Variants in PAK3 observed in about 807,000 individuals in gnomAD.
The protein encoded by PAK3 is p21 (RAC1) activated kinase 3.
A neutral mutation model predicts 41.0 loss-of-function variants in PAK3; 4 were observed. That is an observed-to-expected ratio of 0.10 (90% CI 0.05 to 0.22). PAK3 has a LOEUF of 0.22. Ranked by LOEUF, PAK3 falls within the 10% of genes least tolerant of loss-of-function variation. The pLI is 1.00. For missense variants in PAK3, 205 were observed against 409.9 expected, an observed-to-expected ratio of 0.50 and a Z score of 4.32; for synonymous variants, 146 against 139.6, an observed-to-expected ratio of 1.05 and a Z score of -0.32.
At chrX:111,218,226 A>C (rs1483669873) in intron 17 of PAK3, among the ~76,000 whole-genome samples, 4 of 112,113 alleles carry the variant, frequency 3.6e-5, no homozygotes. Flanking sequence ...GTATGACCTA[A>C]GACAGTTCTG....
chrX:111,070,350 G>A (rs184667107), intron 1 of PAK3, among the ~76,000 whole-genome samples: 1 of 111,341 alleles, frequency 9.0e-6, no homozygotes, highest in East Asian at 2.8e-4. Context: ...CTTCCAGTGA[G>A]GTTACTTGTA....
At chrX:110,983,476 A>AAGAGAGAGAGAG (rs1404473676) in intron 1 of PAK3, among the ~76,000 whole-genome samples, 4 of 5,562 alleles carry the variant, frequency 7.2e-4, no homozygotes, top group Non-Finnish European at 4.0e-3. Flanking sequence ...TGGTAAGAGA[A>AAGAGAGAGAGAG]AGACAGAGAG....
intron 1 of PAK3, among the ~76,000 whole-genome samples, chrX:110,954,574 T>C (rs1271118464): frequency 9.0e-6 from 1 of 111,661 alleles, no homozygotes; most frequent in Non-Finnish European, 1.9e-5. Flanking sequence ...AAGGGGAATG[T>C]ATGAAGCAAC....
rs753857084 is a variant in PAK3 at position 110,957,211 on chromosome X, C to T, written c.-28+12583C>T. On this transcript the variant is annotated intron_variant, in intron 1 of 14. Transcript: ENST00000425146. ...TTGTGTACTTATTATGTCCTAGTTG[C>T]TGTGCTAGCATTTGCATGTATTATC... Among the ~76,000 whole-genome samples the T allele has an allele frequency of 3.6e-3, 404 of 112,273 alleles. 1 individual carries two copies. The highest frequency in any genetic ancestry group is 0.012 in the African/African-American group (381 of 30,910).
At chrX:111,199,348 C>T (rs2094652243) in intron 16 of PAK3, among the ~76,000 whole-genome samples, 1 of 111,309 alleles carries the variant, frequency 9.0e-6, no homozygotes, top group African/African-American at 3.3e-5. Context: ...CTGGCTAGAA[C>T]TTCTAACATT....
At chrX:111,033,524 G>A (rs926769641) in intron 1 of PAK3, among the ~76,000 whole-genome samples, 4 of 111,832 alleles carry the variant, frequency 3.6e-5, no homozygotes, top group Non-Finnish European at 7.5e-5. Context: ...AGACATCTGA[G>A]CTGGCAAAGG....
In PAK3 at chrX:111,205,256, C is replaced by T. The variant is rs150438988; in HGVS notation, c.1407+8616C>T. Among the ~76,000 whole-genome samples the T allele has an allele frequency of 9.9e-3, 1,102 of 110,800 alleles. 9 individuals are homozygous for T. The highest frequency in any genetic ancestry group is 0.017 in the Non-Finnish European group (880 of 52,936). ...CAAGAGGGAGGTAACCAGGATAGGG[C>T]TCTTGGTTCCACCAGAATAGTTCCT... is the stretch of plus-strand genomic sequence containing the variant. On this transcript the variant is annotated intron_variant, in intron 16 of 17. Transcript: ENST00000372007.
chrX:111,026,282 A>G (rs1294880626), intron 1 of PAK3, among the ~76,000 whole-genome samples: 1 of 111,644 alleles, frequency 9.0e-6, no homozygotes, highest in Non-Finnish European at 1.9e-5. Context: ...TCTATTCAAC[A>G]TAGTACTGGA....
chrX:110,948,994 A>G (rs1226466890), intron 1 of PAK3, among the ~76,000 whole-genome samples: 2 of 112,227 alleles, frequency 1.8e-5, no homozygotes, highest in Non-Finnish European at 3.8e-5. Context: ...TGTTTGGATG[A>G]TGAAAATGAG....
intron 4 of PAK3, among the ~76,000 whole-genome samples, chrX:111,119,396 C>G (rs1317858082): frequency 8.9e-6 from 1 of 111,923 alleles, no homozygotes; most frequent in Admixed American, 9.5e-5. Flanking sequence ...AAGGGCCAGT[C>G]TCTAAAAGAA....
At chrX:111,016,396 A>G (rs1268627269) in intron 1 of PAK3, among the ~76,000 whole-genome samples, 1 of 111,471 alleles carries the variant, frequency 9.0e-6, no homozygotes, top group Admixed American at 9.6e-5. Context: ...TTTGTGCACT[A>G]GCTGTCTGAG....
chrX:111,172,906 C>A (rs1290373881), intron 10 of PAK3, 112 bp from the exon 11 acceptor site: 13 of 529,311 alleles, frequency 2.5e-5, no homozygotes, highest in African/African-American at 4.6e-5. Flanking sequence ...CTGACTCTGG[C>A]ATCTTAATTT....
intron 4 of PAK3, among the ~76,000 whole-genome samples, chrX:111,119,747 T>C (rs1317711086): frequency 8.9e-6 from 1 of 112,297 alleles, no homozygotes; most frequent in African/African-American, 3.2e-5. Flanking sequence ...AATATGTTTG[T>C]GGAATAGTAG....
At chrX:111,147,481 G>C (rs1307217864) in intron 6 of PAK3, among the ~76,000 whole-genome samples, 2 of 109,101 alleles carry the variant, frequency 1.8e-5, no homozygotes, top group East Asian at 2.9e-4. Flanking sequence ...ATTTTCATGC[G>C]CTTTTTTTTT....
intron 1 of PAK3, among the ~76,000 whole-genome samples, chrX:111,044,159 A>T (rs1309547233): frequency 8.9e-6 from 1 of 112,159 alleles, no homozygotes; most frequent in African/African-American, 3.2e-5. Flanking sequence ...GGAGGCTAAA[A>T]CTATACATAT....
At chrX:111,103,030 TGAGA>T (rs1224008651) in intron 3 of PAK3, 125 bp from the exon 4 acceptor site, 2 of 109,310 alleles carry the variant, frequency 1.8e-5, no homozygotes, top group African/African-American at 3.4e-5. Flanking sequence ...TGTGTGTGTA[TGAGA>T]GAGAGAGTAT....
At position 111,227,242 on chromosome X, in the gene PAK3, T is replaced by C. The variant is rs2094957516; in HGVS notation, c.*6795T>C. ...TTTTCAATATTGTTATTTTAAATTGTGGTTGAAGCAATAGAAAATTGAAAT... is the reference window on the plus strand; with the variant it reads ...TTTTCAATATTGTTATTTTAAATTGCGGTTGAAGCAATAGAAAATTGAAAT... On this transcript the variant is annotated 3_prime_UTR_variant, in exon 18 of 18. Transcript: ENST00000372007. 1 of 112,497 alleles carries C rather than the reference T, an allele frequency of 8.9e-6. No homozygotes were observed. The highest frequency in any genetic ancestry group is 9.4e-5 in the Admixed American group (1 of 10,607). The allele number at this position is 112,497 out of a possible 1,213,427, so 9.3% of individuals were successfully genotyped here. A position where few individuals can be genotyped will look rare whatever the true frequency, so the allele number is the denominator to read the frequency against.
At chrX:111,143,826 C>T (rs1005578748) in intron 6 of PAK3, among the ~76,000 whole-genome samples, 3 of 111,855 alleles carry the variant, frequency 2.7e-5, no homozygotes, top group Non-Finnish European at 5.7e-5. Flanking sequence ...TTAATGTTCT[C>T]TGTGCTTTTC....
intron 1 of PAK3, among the ~76,000 whole-genome samples, chrX:111,042,133 G>A (rs1282175069): frequency 9.0e-6 from 1 of 111,565 alleles, no homozygotes; most frequent in Admixed American, 9.5e-5. Context: ...GGTTTAACCC[G>A]GTGCCTGGTA....
Sources: allele counts gnomAD v4.1 joint callset (sites outside exome capture counted in the v4.1 genomes callset), GRCh38; gene constraint gnomAD v4.1.1; transcripts MANE v1.5; gene names NCBI Gene and HGNC (gene_info 2026-07-23, HGNC 2026-07-21).